The following LRRK1 variants were observed in gnomAD, a reference collection of about 807,000 sequenced individuals.
LRRK1 encodes the protein leucine-rich repeat serine/threonine-protein kinase 1.
Under a neutral mutation model 209.1 loss-of-function variants are expected in LRRK1, and 113 were observed. The ratio of observed to expected loss-of-function variants is 0.54; its 90% CI spans 0.46 to 0.63. The LOEUF is 0.63. Among genes scored for constraint, LRRK1 ranks in the 30% least tolerant of loss-of-function variants. The probability of loss-of-function intolerance (pLI) is 0.00; values close to 1 mark genes in which losing one functional copy is unlikely to be tolerated. For synonymous variants in LRRK1, 1,144 were observed against 1,099.7 expected (o/e 1.04, Z -0.80); for missense variants, 2,284 against 2,632.2 (o/e 0.87, Z 2.89).
At chr15:101,059,343 G>A (rs1465374914) in intron 29 of LRRK1, among the ~76,000 whole-genome samples, 1 of 152,162 alleles carries the variant, frequency 6.6e-6, no homozygotes, top group Non-Finnish European at 1.5e-5. Context: ...CACTGCAGTG[G>A]GTGGTGATTG....
In LRRK1 at chr15:101,057,054, C is replaced by T. The variant is rs1279446098; in HGVS notation, c.4527+4C>T. 6.3e-7 allele frequency: 1 copy of T among 1,595,608 alleles called. No individual in the cohort carries two copies. Among genetic ancestry groups the T allele is most frequent in the South Asian group, 1.1e-5 (1 of 88,326 alleles). On this transcript the variant is annotated splice_donor_region_variant and intron_variant, in intron 28 of 33. Coordinates refer to ENST00000388948, the MANE Select transcript of LRRK1 (RefSeq NM_024652.6). ...CTGGGACACTAAGCCAGAGAAGGTACTTGGGGACACAGAGCCCAGGGCCTG... is the reference window on the plus strand; with the variant it reads ...CTGGGACACTAAGCCAGAGAAGGTATTTGGGGACACAGAGCCCAGGGCCTG...
chr15:100,929,871 T>G (rs1456707003), intron 2 of LRRK1, among the ~76,000 whole-genome samples: 1 of 152,226 alleles, frequency 6.6e-6, no homozygotes, highest in Non-Finnish European at 1.5e-5. Flanking sequence ...ACAGGGAAGC[T>G]GATTGGTGGC....
chr15:101,001,145 C>G (rs373457158), intron 6 of LRRK1, among the ~76,000 whole-genome samples: 1 of 152,162 alleles, frequency 6.6e-6, no homozygotes, highest in Non-Finnish European at 1.5e-5. Context: ...CCTTTACATG[C>G]ACAAGGATGC....
In LRRK1 at chr15:100,942,935, C is replaced by T. The variant is rs529195044; in HGVS notation, c.97+18206C>T. ...TGAACAACTCCCAGGGTTCTCCATC[C>T]GCCAGTGCTTACTGATCAACCCGTA... is the stretch of plus-strand genomic sequence containing the variant. On this transcript the variant is annotated intron_variant, in intron 2 of 33. Coordinates refer to ENST00000388948, the MANE Select transcript of LRRK1 (RefSeq NM_024652.6). Among the ~76,000 whole-genome samples, 58 of 152,262 alleles carry T rather than the reference C, an allele frequency of 3.8e-4. 1 individual carries two copies. The South Asian group carries it at 7.9e-3, about 21-fold the overall frequency.
At chr15:100,923,302 CAT>C (rs2042051313) in intron 1 of LRRK1, among the ~76,000 whole-genome samples, 1 of 152,242 alleles carries the variant, frequency 6.6e-6, no homozygotes, top group Non-Finnish European at 1.5e-5. Context: ...ACACTGCGAA[CAT>C]GTGACACAGG....
At chr15:101,037,324 C>T (rs1368310402) in intron 20 of LRRK1, among the ~76,000 whole-genome samples, 6 of 152,276 alleles carry the variant, frequency 3.9e-5, no homozygotes, top group South Asian at 4.1e-4. Flanking sequence ...ACAGCAGAGT[C>T]GGTAGGCCCA....
intron 29 of LRRK1, among the ~76,000 whole-genome samples, chr15:101,058,617 C>CGGGGAGG (rs10668251): frequency 1.3e-5 from 1 of 75,366 alleles, no homozygotes; most frequent in African/African-American, 7.8e-5. Flanking sequence ...GAAGGGGCAA[C>CGGGGAGG]GGGGGGGGGC....
Position 101,065,741 on chromosome 15 carries a change from C to T in LRRK1, c.5304C>T (p.Thr1768=), listed in dbSNP as rs1257515685. 1.9e-6 allele frequency: 3 copies of T among 1,614,074 alleles called. No homozygotes were observed. Among genetic ancestry groups the T allele is most frequent in the Non-Finnish European group, 2.5e-6 (3 of 1,180,048 alleles). Residue 1768 remains threonine (T), a synonymous_variant, in exon 32 of 34, where the codon ACC becomes ACT. Transcript: ENST00000388948. ...ANSLVMYHST[T]YQLCARYFCG... Reference sequence around the variant, plus strand: ...CCTTGGTGATGTACCACTCCACCACCTACCAGCTGTGTGCCCGGTACTTCT... The same window carrying T: ...CCTTGGTGATGTACCACTCCACCACTTACCAGCTGTGTGCCCGGTACTTCT...
chr15:100,921,909 GT>G (rs1285690049), intron 1 of LRRK1, among the ~76,000 whole-genome samples: 4 of 151,956 alleles, frequency 2.6e-5, no homozygotes, highest in African/African-American at 9.7e-5. Context: ...GTAGAGATGG[GT>G]TTTTACCATA....
At position 101,046,458 on chromosome 15, in the gene LRRK1, C is replaced by T. The variant is rs374505583; in HGVS notation, c.3135+306C>T. Among the ~76,000 whole-genome samples, 26 of 152,356 alleles carry T rather than the reference C, an allele frequency of 1.7e-4. 2 individuals are homozygous for T. The highest frequency in any genetic ancestry group is 5.8e-4 in the East Asian group (3 of 5,184). ...GTTAGAACACAGTTTGGTGGCCCCA[C>T]CCGAGGTTCTGATTCAGTAGGTGTG... is the stretch of plus-strand genomic sequence containing the variant. On this transcript the variant is annotated intron_variant, in intron 21 of 33. Coordinates refer to ENST00000388948, the MANE Select transcript of LRRK1 (RefSeq NM_024652.6).
chr15:101,029,417 G>C (rs528059200), intron 20 of LRRK1, among the ~76,000 whole-genome samples, 185 bp downstream of exon 20: 1 of 150,726 alleles, frequency 6.6e-6, no homozygotes, highest in South Asian at 2.1e-4. Context: ...CAGTGAGCAC[G>C]GCTGGCCGCT....
chr15:100,962,802 T>TATAC lies in LRRK1; in HGVS notation c.98-10999_98-10998insCATA, dbSNP rs1245903596. Among the ~76,000 whole-genome samples, 5 of 18,132 alleles carry TATAC rather than the reference T, an allele frequency of 2.8e-4. 1 individual carries two copies. Among genetic ancestry groups the TATAC allele is most frequent in the African/African-American group, 6.4e-4 (5 of 7,846 alleles). 11.9% of individuals were successfully genotyped at this position (18,132 alleles called of 152,430 possible). A position where few individuals can be genotyped will look rare whatever the true frequency, so the allele number is the denominator to read the frequency against. ...TAAATTATTTCATTTTGCATATATA[T>TATAC]ATATATATATATATATATATATTTT... On this transcript the variant is annotated intron_variant, in intron 2 of 33. Coordinates refer to ENST00000388948, the MANE Select transcript of LRRK1 (RefSeq NM_024652.6).
At chr15:100,943,543 G>A (rs1327030902) in intron 2 of LRRK1, among the ~76,000 whole-genome samples, 2 of 151,168 alleles carry the variant, frequency 1.3e-5, no homozygotes, top group Non-Finnish European at 2.9e-5. Flanking sequence ...GTAGCTTTAG[G>A]AAGTTACAAA....
In LRRK1 at chr15:100,941,462, CTCTGTG is replaced by C. The variant is rs1352169012; in HGVS notation, c.97+16735_97+16740del. Among the ~76,000 whole-genome samples the C allele has an allele frequency of 7.3e-3, 120 of 16,436 alleles. 4 individuals are homozygous for C. The highest frequency in any genetic ancestry group is 0.014 in the East Asian group (3 of 210). 10.8% of individuals were successfully genotyped at this position (16,436 alleles called of 152,430 possible). ...TGTGTGTGTCTGTGTGTGTCTATGT[CTCTGTG>C]TGTGTGTGTGTGTGTGTGTGTGTGT... On this transcript the variant is annotated intron_variant, in intron 2 of 33. Transcript: ENST00000388948.
At chr15:101,019,905 T>C (rs2033699126) in intron 12 of LRRK1, among the ~76,000 whole-genome samples, 1 of 152,134 alleles carries the variant, frequency 6.6e-6, no homozygotes, top group African/African-American at 2.4e-5. Flanking sequence ...ACTCAAATGC[T>C]CTGGTGCCCG....
intron 27 of LRRK1, among the ~76,000 whole-genome samples, chr15:101,055,712 C>T (rs2035757748): frequency 6.6e-6 from 1 of 152,188 alleles, no homozygotes; most frequent in Admixed American, 6.5e-5. Context: ...CATCCCCTGG[C>T]AACTGCACTG....
At chr15:101,046,184 T>C in intron 21 of LRRK1, 32 bp downstream of exon 21, 1 of 1,606,568 alleles carries the variant, frequency 6.2e-7, no homozygotes, top group Non-Finnish European at 8.5e-7. Flanking sequence ...CATAGACAGA[T>C]GCCCGAGAGC....
rs76601353 is a variant in LRRK1 at position 100,929,057 on chromosome 15, A to G, written c.97+4328A>G. 7.6e-3 allele frequency among the ~76,000 whole-genome samples: 1,157 copies of G among 152,318 alleles called. 7 individuals are homozygous for G. The highest frequency in any genetic ancestry group is 9.6e-3 in the Non-Finnish European group (652 of 68,030). Reference sequence around the variant, plus strand: ...GCTGGGCATGGGCTGCAGGACGCGCATTACTTTGACAAACATGTCATTAGA... The same window carrying G: ...GCTGGGCATGGGCTGCAGGACGCGCGTTACTTTGACAAACATGTCATTAGA... On this transcript the variant is annotated intron_variant, in intron 2 of 33. Coordinates refer to ENST00000388948, the MANE Select transcript of LRRK1 (RefSeq NM_024652.6).
intron 20 of LRRK1, among the ~76,000 whole-genome samples, chr15:101,038,866 C>T (rs2034610645): frequency 6.6e-6 from 1 of 152,236 alleles, no homozygotes; most frequent in Non-Finnish European, 1.5e-5. Context: ...AAATCTCTCT[C>T]TTCCCCCATC....
Sources: gnomAD v4.1 joint callset for allele counts (sites outside exome capture counted in the v4.1 genomes callset) on GRCh38, gnomAD v4.1.1 for gene constraint, MANE v1.5 for transcripts, NCBI Gene and HGNC (gene_info 2026-07-23, HGNC 2026-07-21) for gene names.